The following POLD1 variants were observed in gnomAD, a reference collection of about 807,000 sequenced individuals.
POLD1 encodes DNA polymerase delta 1, catalytic subunit.
A neutral mutation model predicts 129.7 loss-of-function variants in POLD1; 79 were observed. The ratio of observed to expected loss-of-function variants is 0.61; its 90% CI spans 0.51 to 0.73. POLD1 has a LOEUF of 0.73. Among genes scored for constraint, POLD1 ranks in the 30% least tolerant of loss-of-function variants. The pLI, the probability that POLD1 is intolerant of heterozygous loss-of-function variation, is 0.00. For missense variants in POLD1, 1,338 were observed against 1,595.8 expected (o/e 0.84, Z 2.75); for synonymous variants, 714 against 683.3 (o/e 1.04, Z -0.70).
At chr19:50,416,868 A>G in intron 24 of POLD1, 145 bp downstream of exon 24, 1 of 930,870 alleles carries the variant, frequency 1.1e-6, no homozygotes, top group Non-Finnish European at 1.6e-6. Flanking sequence ...TCCACCCCCC[A>G]CAGAGGGTCC....
rs1275102026 is a variant in POLD1, at chr19:50,408,840, A to T, written c.1831A>T (p.Met611Leu). The T allele has an allele frequency of 6.2e-7, 1 of 1,614,064 alleles. No individual in the cohort carries two copies. The highest frequency in any genetic ancestry group is 8.5e-7 in the Non-Finnish European group (1 of 1,180,024). Reference protein sequence around the residue: ...LDFSSLYPSIMMAHNLCYTTL... With the variant: ...LDFSSLYPSILMAHNLCYTTL... Reference sequence around the variant, plus strand: ...CTTCTCCTCGCTGTACCCGTCCATCATGATGGCCCACAACCTGTGTTACAC... The same window carrying T: ...CTTCTCCTCGCTGTACCCGTCCATCTTGATGGCCCACAACCTGTGTTACAC... Residue 611 changes from methionine (M) to leucine (L), a missense_variant, in exon 15 of 27, where the codon ATG becomes TTG. Met to Leu is a conservative substitution (Grantham distance 15). Coordinates refer to ENST00000440232, the MANE Select transcript of POLD1 (RefSeq NM_002691.4).
At chr19:50,396,090 TTTG>T (rs760266935) in intron 1 of POLD1, among the ~76,000 whole-genome samples, 14,371 of 143,862 alleles carry the variant, frequency 0.1, 871 homozygotes, top group South Asian at 0.17. Context: ...GTGGTTTTTT[TTTG>T]TTTTTTTTTT....
At position 50,409,709 on chromosome 19, in the gene POLD1, C is replaced by A; in HGVS notation, c.2154+43C>A. On this transcript the variant is annotated intron_variant, in intron 17 of 26. Transcript: ENST00000440232. The surrounding 1 kb of genome is among the most constrained non-coding windows in gnomAD (Gnocchi z 5.8). ...TGGAAGGCAACTGGGGGCAGGTGGG[C>A]CCCCTGTGTAGGAGACCAGGGCTCC... 6.4e-7 allele frequency: 1 copy of A among 1,562,116 alleles called. No individual in the cohort carries two copies. Among genetic ancestry groups the A allele is most frequent in the South Asian group, 1.2e-5 (1 of 84,386 alleles).
intron 15 of POLD1, 50 bp downstream of exon 15, chr19:50,408,951 C>T (rs752091504): frequency 6.5e-7 from 1 of 1,542,292 alleles, no homozygotes; most frequent in Admixed American, 1.8e-5. Context: ...CTGGGCCTTC[C>T]CTTGGGGGGC....
rs1393294425 is a variant in POLD1 at position 50,417,179 on chromosome 19, A to G, written c.3128A>G (p.His1043Arg). ...AGCCGCTGCCGTCCCCAGGTATCCC[A>G]TCTGAATGCCCTGGAGGAGCGCTTC... ...ESELYQKEVS[H>R]LNALEERFSR... Residue 1043 changes from histidine to arginine, a missense_variant, in exon 26 of 27, where the codon CAT becomes CGT. Transcript: ENST00000440232. The G allele has an allele frequency of 6.2e-7, 1 of 1,604,804 alleles. No homozygotes were observed. The highest frequency in any genetic ancestry group is 1.1e-5 in the South Asian group (1 of 89,740).
chr19:50,397,736 C>T (rs909540975), intron 1 of POLD1, among the ~76,000 whole-genome samples: 1 of 152,096 alleles, frequency 6.6e-6, no homozygotes, highest in South Asian at 2.1e-4. Flanking sequence ...AAAAAGAAAA[C>T]ACAAATATAT....
Position 50,413,827 on chromosome 19 carries a change from C to A in POLD1, c.2336C>A (p.Ala779Glu), listed in dbSNP as rs1410087763. 6.2e-7 allele frequency: 1 copy of A among 1,612,200 alleles called. No homozygotes were observed. Among genetic ancestry groups the A allele is most frequent in the Non-Finnish European group, 8.5e-7 (1 of 1,179,346 alleles). The change falls in exon 19 of 27, where the codon GCG becomes GAG. Residue 779 changes from alanine to glutamate, a missense_variant. Physicochemically the swap from Ala to Glu is moderately radical, Grantham distance 107. Coordinates refer to ENST00000440232, the MANE Select transcript of POLD1 (RefSeq NM_002691.4). ...GCGATGGCCCTGGGGCGGGAGGCCG[C>A]GGACTGGGTGTCAGGTCACTTCCCG... Reference protein sequence around the residue: ...AEAMALGREAADWVSGHFPSP... With the variant: ...AEAMALGREAEDWVSGHFPSP...
Position 50,417,962 on chromosome 19 carries a change from C to A in POLD1, c.*15C>A. On this transcript the variant is annotated 3_prime_UTR_variant, in exon 27 of 27. Coordinates refer to ENST00000440232, the MANE Select transcript of POLD1 (RefSeq NM_002691.4). ...AGGCCTGGTGACCTTGCAAGCATCCCATGGGGCGGGGGCGGGACCAGGGAG... is the reference window on the plus strand; with the variant it reads ...AGGCCTGGTGACCTTGCAAGCATCCAATGGGGCGGGGGCGGGACCAGGGAG... 6.6e-7 allele frequency: 1 copy of A among 1,519,216 alleles called. No homozygotes were observed. The highest frequency in any genetic ancestry group is 9.1e-7 in the Non-Finnish European group (1 of 1,099,474). 94.1% of individuals were successfully genotyped at this position (1,519,216 alleles called of 1,614,324 possible). A position where few individuals can be genotyped will look rare whatever the true frequency, so the allele number is the denominator to read the frequency against.
chr19:50,394,922 AC>A (rs2038292208), intron 1 of POLD1: 1 of 147,954 alleles, frequency 6.8e-6, no homozygotes, highest in Non-Finnish European at 1.5e-5. Flanking sequence ...TGCAACCTCT[AC>A]CTCCCAGGTT....
At chr19:50,394,512 G>A (rs1340718508) in intron 1 of POLD1, among the ~76,000 whole-genome samples, 4 of 151,996 alleles carry the variant, frequency 2.6e-5, no homozygotes, top group Admixed American at 6.6e-5. Flanking sequence ...AAAAATTAGC[G>A]GGTATGATGG....
rs1049753210 is a variant in POLD1 at position 50,385,901 on chromosome 19, A to G, written c.-2+1511A>G. Among the ~76,000 whole-genome samples, 3 of 151,476 alleles carry G rather than the reference A, an allele frequency of 2.0e-5. No homozygotes were observed. The East Asian group carries it at 5.9e-4, about 30-fold the overall frequency. On this transcript the variant is annotated intron_variant, in intron 1 of 26. Transcript: ENST00000440232. Reference sequence around the variant, plus strand: ...TAGAGAGGTTCCTTCCCTCCCCCTGAAATGCTCTTCCCTCTCTTATGTGTT... The same window carrying G: ...TAGAGAGGTTCCTTCCCTCCCCCTGGAATGCTCTTCCCTCTCTTATGTGTT...
rs71182715 is a variant in POLD1 at position 50,400,133 on chromosome 19, A to ATTT, written c.316+675_316+677dup. ...CCAGCCCAATTTGACTTTTTAAAAG[A>ATTT]TTTTTTTTTTTTTTTTTTTTTTTTT... On this transcript the variant is annotated intron_variant, in intron 3 of 26. Transcript: ENST00000440232. Among the ~76,000 whole-genome samples the ATTT allele has an allele frequency of 2.2e-3, 106 of 48,144 alleles. 4 individuals are homozygous for ATTT. The highest frequency in any genetic ancestry group is 3.6e-3 in the African/African-American group (62 of 17,198). The allele number at this position is 48,144 out of a possible 152,430, so 31.6% of individuals were successfully genotyped here. A position where few individuals can be genotyped will look rare whatever the true frequency, so the allele number is the denominator to read the frequency against.
rs145170604 is a variant in POLD1, at chr19:50,409,486, G to T, written c.2007-33G>T. The T allele has an allele frequency of 1.4e-5, 22 of 1,613,146 alleles. No homozygotes were observed. The highest frequency in any genetic ancestry group is 1.7e-5 in the Non-Finnish European group (20 of 1,179,944). ...GAGCCCTGACCAATGCCCAGGTGCC[G>T]CCTGAGTGTGCTTTCCCCGTGTTCC... On this transcript the variant is annotated intron_variant, in intron 16 of 26. Coordinates refer to ENST00000440232, the MANE Select transcript of POLD1 (RefSeq NM_002691.4). This position sits in a 1 kb window ranked among gnomAD's most constrained non-coding sequence, Gnocchi z 5.8.
At position 50,416,486 on chromosome 19, in the gene POLD1, G is replaced by T. The variant is rs897259743; in HGVS notation, c.2911G>T (p.Glu971Ter). 3.2e-6 allele frequency: 5 copies of T among 1,552,034 alleles called. No homozygotes were observed. Among genetic ancestry groups the T allele is most frequent in the Non-Finnish European group, 1.7e-6 (2 of 1,148,510 alleles). ...QLAKPLLRIF[E>*]PILGEGRAEA... ...GGCCAAGCCCCTCCTGCGCATCTTC[G>T]AGCCCATCCTGGGCGAGGGCCGTGC... The change falls in exon 23 of 27, where the codon GAG (glutamate) becomes TAG (stop). Residue 971 changes from glutamate to a stop codon, truncating the protein, a stop_gained. Coordinates refer to ENST00000440232, the MANE Select transcript of POLD1 (RefSeq NM_002691.4). LOFTEE classifies it high-confidence loss of function.
rs758097576 is a variant in POLD1 at position 50,402,033 on chromosome 19, G to A, written c.498G>A (p.Arg166=). The part of the protein sequence containing the change: ...FGPEHMGDLQ[R]ELNLAISRDS... ...CCGAGCACATGGGTGACCTGCAACG[G>A]GAGCTGAACTTGGCCATCAGCCGGG... is the stretch of plus-strand genomic sequence containing the variant. The change falls in exon 5 of 27, where the codon CGG becomes CGA. Residue 166 remains arginine (R), a synonymous_variant. Coordinates refer to ENST00000440232, the MANE Select transcript of POLD1 (RefSeq NM_002691.4). The A allele has an allele frequency of 1.9e-6, 3 of 1,614,150 alleles. No homozygotes were observed. Among genetic ancestry groups the A allele is most frequent in the Non-Finnish European group, 2.5e-6 (3 of 1,179,984 alleles).
intron 17 of POLD1, among the ~76,000 whole-genome samples, chr19:50,411,567 G>A (rs1012779353): frequency 1.4e-4 from 21 of 152,352 alleles, no homozygotes; most frequent in Middle Eastern, 3.4e-3. Flanking sequence ...TTGGCTGGGC[G>A]CGGTGGCTCA....
At position 50,406,832 on chromosome 19, in the gene POLD1, C is replaced by T; in HGVS notation, c.1495-151C>T. ...TGGCCCCCAACCCTACCTCCATCCC[C>T]ACCCAGACCCTGACGACTTGGAGGG... On this transcript the variant is annotated intron_variant, in intron 12 of 26. Coordinates refer to ENST00000440232, the MANE Select transcript of POLD1 (RefSeq NM_002691.4). This position sits in a 1 kb window ranked among gnomAD's most constrained non-coding sequence, Gnocchi z 5.5. The T allele has an allele frequency of 1.5e-6, 1 of 667,882 alleles. No individual in the cohort carries two copies. The highest frequency in any genetic ancestry group is 2.6e-6 in the Non-Finnish European group (1 of 391,310). The allele number at this position is 667,882 out of a possible 1,614,324, so 41.4% of individuals were successfully genotyped here.
chr19:50,403,302 C>T (rs2038737145), intron 9 of POLD1, 83 bp downstream of exon 9: 11 of 1,379,824 alleles, frequency 8.0e-6, no homozygotes, highest in Middle Eastern at 2.4e-4. Context: ...CTGGGTGCTG[C>T]GACGCCCATG....
At chr19:50,386,893 C>A (rs984142177) in intron 1 of POLD1, among the ~76,000 whole-genome samples, 1 of 152,198 alleles carries the variant, frequency 6.6e-6, no homozygotes, top group Non-Finnish European at 1.5e-5. Flanking sequence ...CCTGTCTCTA[C>A]AAAAAATACA....
Sources: gnomAD v4.1 joint callset for allele counts (sites outside exome capture counted in the v4.1 genomes callset) on GRCh38, gnomAD v4.1.1 for gene constraint, Gnocchi (gnomAD v3.1) non-coding constraint, MANE v1.5 for transcripts, NCBI Gene and HGNC (gene_info 2026-07-23, HGNC 2026-07-21) for gene names.